Variants in COMMD8 observed in about 807,000 individuals in gnomAD.
COMMD8 encodes the protein COMM domain containing 8.
COMMD8 carries 28 observed loss-of-function variants against 27.2 expected under a neutral mutation model. The observed-to-expected ratio is 1.03, with a 90% CI of 0.76 to 1.41. The LOEUF is 1.41. Ranked by LOEUF, COMMD8 falls within the 40% of genes most tolerant of loss-of-function variation. COMMD8 has a pLI of 0.00. For missense variants in COMMD8, 217 were observed against 211.2 expected (o/e 1.03, Z -0.17); for synonymous variants, 79 against 75.5 (o/e 1.05, Z -0.24).
rs1446750863 is a variant in COMMD8 at position 47,453,134 on chromosome 4, T to G, written c.456A>C (p.Glu152Asp). ...TCATTTCAATAGAATAAGGTTTTAC[T>G]TCACCATTTTCTTTTACATCTAGAT... ...SLHLDVKENG[E>D]VKPYSIEMSR... Residue 152 changes from glutamate to aspartate, a missense_variant, in exon 4 of 5, where the codon GAA becomes GAC. Physicochemically the swap from Glu to Asp is conservative, Grantham distance 45. Coordinates refer to ENST00000381571, the MANE Select transcript of COMMD8 (RefSeq NM_017845.5). The G allele has an allele frequency of 1.2e-6, 2 of 1,613,752 alleles. No individual in the cohort carries two copies. The highest frequency in any genetic ancestry group is 3.3e-5 in the Admixed American group (2 of 60,030).
intron 3 of COMMD8, among the ~76,000 whole-genome samples, chr4:47,456,127 G>C (rs1019633938): frequency 6.6e-6 from 1 of 151,774 alleles, no homozygotes. Flanking sequence ...CATGCCTGTA[G>C]TCCCAGCTAC....
At chr4:47,462,951 C>A (rs1730099328) in intron 1 of COMMD8, among the ~76,000 whole-genome samples, 1 of 152,202 alleles carries the variant, frequency 6.6e-6, no homozygotes, top group Non-Finnish European at 1.5e-5. Context: ...TCCACCAGGG[C>A]ACAGGCTGTG....
chr4:47,454,397 A>T (rs1729833704), intron 3 of COMMD8, among the ~76,000 whole-genome samples: 1 of 152,184 alleles, frequency 6.6e-6, no homozygotes, highest in Non-Finnish European at 1.5e-5. Context: ...ACATGGTCTC[A>T]GTGTTTCAAA....
At chr4:47,456,795 C>T (rs1293267458) in intron 2 of COMMD8, 66 bp from the exon 3 acceptor site, 2 of 1,168,468 alleles carry the variant, frequency 1.7e-6, no homozygotes, top group African/African-American at 3.2e-5. Flanking sequence ...TTCCACTCTC[C>T]TTTTGCACAC....
chr4:47,462,802 A>T (rs776281888), intron 1 of COMMD8, among the ~76,000 whole-genome samples: 1 of 152,212 alleles, frequency 6.6e-6, no homozygotes, highest in Non-Finnish European at 1.5e-5. Context: ...TTGCAAAAAC[A>T]AAGAAAAGAA....
intron 2 of COMMD8, among the ~76,000 whole-genome samples, chr4:47,459,064 C>T (rs1729957238): frequency 6.6e-6 from 1 of 152,038 alleles, no homozygotes; most frequent in Non-Finnish European, 1.5e-5. Flanking sequence ...TACAAGAATA[C>T]ATCCAAGAAT....
rs1729984502 is a variant in COMMD8 at position 47,460,091 on chromosome 4, G to C, written c.222+53C>G. On this transcript the variant is annotated intron_variant, in intron 2 of 4. Transcript: ENST00000381571. ...TATACATTGCTCTAAAAAACTCAGA[G>C]AGAAACCTGAGCATTATTTATTGTA... 2.7e-6 allele frequency: 4 copies of C among 1,497,574 alleles called. No homozygotes were observed. The South Asian group carries it at 4.7e-5, about 18-fold the overall frequency. 92.8% of individuals were successfully genotyped at this position (1,497,574 alleles called of 1,614,324 possible).
intron 2 of COMMD8, among the ~76,000 whole-genome samples, chr4:47,457,618 A>G (rs965644065): frequency 3.9e-5 from 6 of 152,202 alleles, no homozygotes; most frequent in Admixed American, 1.3e-4. Flanking sequence ...TCAAAGAACT[A>G]AATAATACTG....
intron 3 of COMMD8, among the ~76,000 whole-genome samples, chr4:47,453,621 T>C (rs1038337702): frequency 1.3e-5 from 2 of 151,636 alleles, no homozygotes; most frequent in Admixed American, 6.5e-5. Flanking sequence ...GAAATTAAGA[T>C]GCTTAATTCA....
At position 47,452,942 on chromosome 4, in the gene COMMD8, G is replaced by C. The variant is rs550276528; in HGVS notation, c.531+117C>G. The C allele has an allele frequency of 3.8e-6, 3 of 788,884 alleles. No individual in the cohort carries two copies. In the East Asian group the frequency reaches 7.7e-5, roughly 20 times the overall value. The allele number at this position is 788,884 out of a possible 1,614,324, so 48.9% of individuals were successfully genotyped here. On this transcript the variant is annotated intron_variant, in intron 4 of 4. Transcript: ENST00000381571. ...ACTCGGGAGGCGGAGGTTGCAGTGA[G>C]CCGAGTTCGCGCCGTTGCCCCTCCA...
At position 47,456,641 on chromosome 4, in the gene COMMD8, GC is replaced by G; in HGVS notation, c.310del (p.Ala104LeufsTer6). 1 of 1,609,940 alleles carries G rather than the reference GC, an allele frequency of 6.2e-7. No homozygotes were observed. The highest frequency in any genetic ancestry group is 8.5e-7 in the Non-Finnish European group (1 of 1,178,320). ...AATAGCAACTATTTCTCTTGACAGA[GC>G]CTGTTTGATTTCATCTTTCCTACTT... ...VKSRKDEIKQ[A>X]LSREIVAISS... On this transcript the variant is annotated frameshift_variant, in exon 3 of 5. Transcript: ENST00000381571. LOFTEE classifies it high-confidence loss of function.
At position 47,451,299 on chromosome 4, in the gene COMMD8, T is replaced by C; in HGVS notation, c.*346A>G. The C allele has an allele frequency of 3.9e-6, 1 of 255,154 alleles. No individual in the cohort carries two copies. Among genetic ancestry groups the C allele is most frequent in the Non-Finnish European group, 7.5e-6 (1 of 133,050 alleles). The allele number at this position is 255,154 out of a possible 1,614,324, so 15.8% of individuals were successfully genotyped here. On this transcript the variant is annotated 3_prime_UTR_variant, in exon 5 of 5. Coordinates refer to ENST00000381571, the MANE Select transcript of COMMD8 (RefSeq NM_017845.5). ...ATTCTTTAAGCAATATTCAAGTATATTTGTGCTTTATATTTTTACATTACT... is the reference window on the plus strand; with the variant it reads ...ATTCTTTAAGCAATATTCAAGTATACTTGTGCTTTATATTTTTACATTACT...
chr4:47,456,879 C>A, intron 2 of COMMD8, 150 bp from the exon 3 acceptor site: 1 of 586,070 alleles, frequency 1.7e-6, no homozygotes, highest in South Asian at 2.7e-5. Flanking sequence ...GAATGAATAA[C>A]CAGAAAATAG....
chr4:47,462,899 G>C (rs1430481738), intron 1 of COMMD8, among the ~76,000 whole-genome samples: 3 of 152,118 alleles, frequency 2.0e-5, no homozygotes, highest in Non-Finnish European at 2.9e-5. Context: ...AAATGGAATA[G>C]AGGAAACAGG....
In COMMD8 at chr4:47,451,640, T is replaced by G; in HGVS notation, c.*5A>C. 4 of 1,585,470 alleles carry G rather than the reference T, an allele frequency of 2.5e-6. No individual in the cohort carries two copies. The highest frequency in any genetic ancestry group is 3.4e-6 in the Non-Finnish European group (4 of 1,167,684). ...TCTGATAGGACTGGTATTCATCATT[T>G]CCAGTTATTTCAACTGCAGGACCAC... On this transcript the variant is annotated 3_prime_UTR_variant, in exon 5 of 5. Transcript: ENST00000381571.
At chr4:47,460,842 A>C (rs1413605397) in intron 1 of COMMD8, among the ~76,000 whole-genome samples, 1 of 152,150 alleles carries the variant, frequency 6.6e-6, no homozygotes, top group Admixed American at 6.5e-5. Flanking sequence ...GAAAGTCTCC[A>C]GTACTTTTTT....
In COMMD8 at chr4:47,459,858, C is replaced by T. The variant is rs1317334510; in HGVS notation, c.222+286G>A. 2.8e-5 allele frequency: 7 copies of T among 245,814 alleles called. No homozygotes were observed. In the South Asian group the frequency reaches 3.1e-4, roughly 11 times the overall value. 15.2% of individuals were successfully genotyped at this position (245,814 alleles called of 1,614,324 possible). On this transcript the variant is annotated intron_variant, in intron 2 of 4. Transcript: ENST00000381571. ...TAATGCTTTATTTCTGAAACAAACACACACATTGCAAAATGTTAACACCTG... is the reference window on the plus strand; with the variant it reads ...TAATGCTTTATTTCTGAAACAAACATACACATTGCAAAATGTTAACACCTG...
intron 3 of COMMD8, among the ~76,000 whole-genome samples, chr4:47,456,145 G>C (rs1729878698): frequency 6.6e-6 from 1 of 151,814 alleles, no homozygotes; most frequent in Admixed American, 6.6e-5. Context: ...TACTCAGGGG[G>C]CTGAGGCAGA....
At chr4:47,457,831 T>C (rs1183439724) in intron 2 of COMMD8, among the ~76,000 whole-genome samples, 1 of 143,674 alleles carries the variant, frequency 7.0e-6, no homozygotes, top group Non-Finnish European at 1.5e-5. Flanking sequence ...AATAGTATTA[T>C]AGGGAGGAAA....
Sources: allele counts gnomAD v4.1 joint callset (sites outside exome capture counted in the v4.1 genomes callset), GRCh38; gene constraint gnomAD v4.1.1; transcripts MANE v1.5; gene names NCBI Gene and HGNC (gene_info 2026-07-23, HGNC 2026-07-21).